Variants in SCRN3 observed in about 807,000 individuals in gnomAD.
The protein encoded by SCRN3 is secernin 3, also known as secernin-3.
In SCRN3, 39 loss-of-function variants were observed where a neutral mutation model predicts 43.1. That is an observed-to-expected ratio of 0.91 (90% confidence interval 0.70 to 1.18). SCRN3 has a LOEUF of 1.18. Among genes scored for constraint, SCRN3 ranks in the 50% most tolerant of loss-of-function variants. The pLI is 0.00. For missense variants in SCRN3, 484 were observed against 498.0 expected, an observed-to-expected ratio of 0.97 and a Z score of 0.27; for synonymous variants, 147 against 163.1, an observed-to-expected ratio of 0.90 and a Z score of 0.75.
chr2:174,422,312 C>T (rs1686318638), intron 5 of SCRN3, among the ~76,000 whole-genome samples: 1 of 152,102 alleles, frequency 6.6e-6, no homozygotes, highest in East Asian at 1.9e-4. Flanking sequence ...GTGGCTCACA[C>T]CTGTAATCCC....
chr2:174,406,946 T>G, intron 5 of SCRN3, among the ~76,000 whole-genome samples: 1 of 96,766 alleles, frequency 1.0e-5, no homozygotes, highest in South Asian at 3.2e-4. Context: ...TCTGCCCAGC[T>G]TTGGTATCAG....
intron 5 of SCRN3, among the ~76,000 whole-genome samples, chr2:174,417,618 C>T (rs1055969446): frequency 3.9e-5 from 6 of 152,148 alleles, no homozygotes; most frequent in African/African-American, 1.4e-4. Flanking sequence ...TGGTGTCAAA[C>T]TTCTGACCTC....
chr2:174,427,939 C>T lies in SCRN3; in HGVS notation c.*44C>T, dbSNP rs563125260. ...ATATTAGTTCTTAGTGATCAGTGGT[C>T]AGTAATCTTCAAAGTCAGAATCTAT... is the stretch of plus-strand genomic sequence containing the variant. On this transcript the variant is annotated 3_prime_UTR_variant, in exon 8 of 8. Coordinates refer to ENST00000272732, the MANE Select transcript of SCRN3 (RefSeq NM_024583.5). 3.1e-6 allele frequency: 4 copies of T among 1,272,550 alleles called. No homozygotes were observed. Among genetic ancestry groups the T allele is most frequent in the African/African-American group, 2.9e-5 (2 of 68,298 alleles). The allele number at this position is 1,272,550 out of a possible 1,614,324, so 78.8% of individuals were successfully genotyped here.
intron 5 of SCRN3, among the ~76,000 whole-genome samples, chr2:174,406,511 C>G (rs28810099): frequency 0.11 from 14,595 of 128,804 alleles, 1,188 homozygotes; most frequent in Middle Eastern, 0.23. Flanking sequence ...TAGGAGTGGT[C>G]AGAGAGGGCA....
chr2:174,407,136 C>A (rs1293345683), intron 5 of SCRN3, among the ~76,000 whole-genome samples: 5 of 64,614 alleles, frequency 7.7e-5, no homozygotes, highest in Admixed American at 5.3e-4. Context: ...ACAATTTCAG[C>A]TCCTGTTATT....
intron 2 of SCRN3, among the ~76,000 whole-genome samples, chr2:174,399,413 G>A (rs943142791): frequency 1.3e-5 from 2 of 152,060 alleles, no homozygotes; most frequent in African/African-American, 4.8e-5. Context: ...TCTTGTATTC[G>A]AAGGCTACCA....
chr2:174,400,858 G>A (rs1308238158), intron 3 of SCRN3, 132 bp from the exon 4 acceptor site: 1 of 749,914 alleles, frequency 1.3e-6, no homozygotes, highest in African/African-American at 1.8e-5. Flanking sequence ...AAGTTTTAAA[G>A]TTAGATGTCA....
intron 7 of SCRN3, among the ~76,000 whole-genome samples, chr2:174,426,407 T>C (rs761001054): frequency 6.6e-6 from 1 of 152,218 alleles, no homozygotes; most frequent in African/African-American, 2.4e-5. Context: ...TGCATACAAT[T>C]TCATACTGAA....
intron 5 of SCRN3, among the ~76,000 whole-genome samples, chr2:174,409,460 G>A (rs1048293010): frequency 4.7e-5 from 7 of 147,636 alleles, no homozygotes; most frequent in East Asian, 2.0e-4. Context: ...CTCTCAGCTC[G>A]TCAAAGTCAT....
chr2:174,397,004 T>C (rs1011284275), intron 1 of SCRN3: 9 of 861,746 alleles, frequency 1.0e-5, no homozygotes, highest in Non-Finnish European at 1.1e-5. Context: ...AAGAGAGAGA[T>C]TAAATAGTCT....
chr2:174,423,175 T>A lies in SCRN3; in HGVS notation c.917+128T>A, dbSNP rs1456720517. On this transcript the variant is annotated intron_variant, in intron 6 of 7. Transcript: ENST00000272732. ...GGACAATAATTTTTAATATATTTTC[T>A]GTTCAGGCTTTAATCTGCAATATCC... The A allele has an allele frequency of 9.2e-6, 6 of 654,526 alleles. No homozygotes were observed. The South Asian group carries it at 2.0e-4, about 22-fold the overall frequency. The allele number at this position is 654,526 out of a possible 1,614,324, so 40.5% of individuals were successfully genotyped here. A position where few individuals can be genotyped will look rare whatever the true frequency, so the allele number is the denominator to read the frequency against.
intron 1 of SCRN3, chr2:174,396,221 C>A: frequency 1.1e-6 from 1 of 907,770 alleles, no homozygotes; most frequent in Middle Eastern, 5.1e-4. Flanking sequence ...TATTTTGTAC[C>A]CAGCTGTACG....
intron 5 of SCRN3, among the ~76,000 whole-genome samples, chr2:174,420,605 T>C (rs571428056): frequency 2.3e-4 from 35 of 152,250 alleles, no homozygotes; most frequent in African/African-American, 7.5e-4. Context: ...AGATGGAGAA[T>C]TTCATCAGGG....
rs75034236 is a variant in SCRN3, at chr2:174,412,352, T to A, written c.754+8037T>A. ...TAGCATGGGAGAAATCTCCTGGGAA[T>A]TTTTTTTTTTTTTCTGCTTTCTTTC... On this transcript the variant is annotated intron_variant, in intron 5 of 7. Transcript: ENST00000272732. Among the ~76,000 whole-genome samples the A allele has an allele frequency of 4.0e-5, 4 of 101,172 alleles. No homozygotes were observed. In the East Asian group the frequency reaches 9.5e-4, roughly 24 times the overall value. The allele number at this position is 101,172 out of a possible 152,430, so 66.4% of individuals were successfully genotyped here.
chr2:174,397,198 T>C (rs577816183), intron 1 of SCRN3: 385 of 974,910 alleles, frequency 3.9e-4, no homozygotes, highest in Non-Finnish European at 4.5e-4. Flanking sequence ...CATTTTCTTT[T>C]CTTTTTAAGG....
chr2:174,422,194 T>C (rs1033944914), intron 5 of SCRN3, among the ~76,000 whole-genome samples: 1 of 152,060 alleles, frequency 6.6e-6, no homozygotes, highest in Non-Finnish European at 1.5e-5. Flanking sequence ...GGGAGGCTGA[T>C]GGGGGAGGAT....
At chr2:174,418,045 A>C (rs557406305) in intron 5 of SCRN3, among the ~76,000 whole-genome samples, 1 of 152,352 alleles carries the variant, frequency 6.6e-6, no homozygotes, top group South Asian at 2.1e-4. Flanking sequence ...GGAGAGGAAA[A>C]TGCCAAGAAT....
Position 174,399,984 on chromosome 2 carries a change from G to A in SCRN3, c.222G>A (p.Ala74=), listed in dbSNP as rs138865858. 51 of 1,589,116 alleles carry A rather than the reference G, an allele frequency of 3.2e-5. 1 individual carries two copies. The highest frequency in any genetic ancestry group is 1.7e-4 in the Middle Eastern group (1 of 6,038). ...ETYAVVLSRP[A]WLWGAEMGAN... ...ATGCTGTTGTCCTGAGTCGCCCAGC[G>A]TGGTTGTGGGGGGCAGAAATGGGAG... The change falls in exon 3 of 8, where the codon GCG becomes GCA. Residue 74 remains alanine (A), a synonymous_variant. Transcript: ENST00000272732.
chr2:174,427,496 A>G (rs967316745), intron 7 of SCRN3, among the ~76,000 whole-genome samples: 6 of 152,068 alleles, frequency 3.9e-5, no homozygotes, highest in Non-Finnish European at 5.9e-5. Flanking sequence ...TGTCTTTTCT[A>G]CTAAAAATAA....
Sources: gnomAD v4.1 joint callset for allele counts (sites outside exome capture counted in the v4.1 genomes callset) on GRCh38, gnomAD v4.1.1 for gene constraint, MANE v1.5 for transcripts, NCBI Gene and HGNC (gene_info 2026-07-23, HGNC 2026-07-21) for gene names.